Variants in CTNNA3 observed in about 807,000 individuals in gnomAD.
CTNNA3 encodes the protein catenin alpha 3.
Under a neutral mutation model 95.7 loss-of-function variants are expected in CTNNA3, and 76 were observed. That is an observed-to-expected ratio of 0.79 (90% CI 0.66 to 0.96). The LOEUF is 0.96. CTNNA3 is among the 40% of genes least tolerant of loss of function. CTNNA3 has a pLI of 0.00. For synonymous variants in CTNNA3, 431 were observed against 374.4 expected (o/e 1.15, Z -1.74); for missense variants, 1,191 against 1,089.8 (o/e 1.09, Z -1.31).
intron 7 of CTNNA3, among the ~76,000 whole-genome samples, chr10:66,923,532 A>C (rs1257421451): frequency 6.6e-6 from 1 of 152,210 alleles, no homozygotes; most frequent in African/African-American, 2.4e-5. Context: ...ACAAGTTGTC[A>C]AGCCCATTTG....
At chr10:66,005,336 C>G (rs1338952189) in intron 15 of CTNNA3, among the ~76,000 whole-genome samples, 1 of 152,138 alleles carries the variant, frequency 6.6e-6, no homozygotes, top group Non-Finnish European at 1.5e-5. Context: ...TATGATGAAG[C>G]TATTGATTTT....
intron 15 of CTNNA3, among the ~76,000 whole-genome samples, chr10:66,026,770 C>G (rs1198491918): frequency 6.6e-6 from 1 of 151,996 alleles, no homozygotes; most frequent in East Asian, 1.9e-4. Context: ...GTTATTGACA[C>G]AAGATTTTGA....
At chr10:66,585,110 G>T (rs1257800714) in intron 10 of CTNNA3, among the ~76,000 whole-genome samples, 2 of 151,904 alleles carry the variant, frequency 1.3e-5, no homozygotes, top group Non-Finnish European at 1.5e-5. Context: ...ACTGCTCTTA[G>T]AATTTTTTCC....
intron 7 of CTNNA3, among the ~76,000 whole-genome samples, chr10:66,907,675 C>T (rs1353841705): frequency 6.6e-6 from 1 of 152,090 alleles, no homozygotes; most frequent in African/African-American, 2.4e-5. Flanking sequence ...ATTCACTCTA[C>T]CATCAATTAT....
At chr10:66,509,602 G>A (rs1462992503) in intron 11 of CTNNA3, among the ~76,000 whole-genome samples, 2 of 151,924 alleles carry the variant, frequency 1.3e-5, no homozygotes, top group East Asian at 3.9e-4. Flanking sequence ...AGTTTTCAGA[G>A]CACCATTTGT....
At position 67,215,862 on chromosome 10, in the gene CTNNA3, G is replaced by T. The variant is rs56741272; in HGVS notation, c.843+3745C>A. Reference sequence around the variant, plus strand: ...CAGTCTTTCAAGATTCAAGCTCCAGGCCATAATTGAAAAGCAGCTACCCCA... The same window carrying T: ...CAGTCTTTCAAGATTCAAGCTCCAGTCCATAATTGAAAAGCAGCTACCCCA... On this transcript the variant is annotated intron_variant, in intron 6 of 17. Coordinates refer to ENST00000433211, the MANE Select transcript of CTNNA3 (RefSeq NM_013266.4). 0.017 allele frequency among the ~76,000 whole-genome samples: 2,617 copies of T among 152,166 alleles called. 130 individuals carry two copies. The East Asian group carries it at 0.18, about 11-fold the overall frequency.
chr10:67,192,737 A>G (rs1863176543), intron 6 of CTNNA3, among the ~76,000 whole-genome samples: 1 of 151,970 alleles, frequency 6.6e-6, no homozygotes, highest in South Asian at 2.1e-4. Flanking sequence ...AGATCTAGCA[A>G]TTCCACTTCT....
intron 6 of CTNNA3, among the ~76,000 whole-genome samples, chr10:67,184,172 T>G (rs1862723647): frequency 6.6e-6 from 1 of 152,314 alleles, no homozygotes; most frequent in Admixed American, 6.5e-5. Context: ...TAATAAGTAG[T>G]TATCATTCTT....
chr10:66,114,362 A>G lies in CTNNA3; in HGVS notation c.1885-11113T>C, dbSNP rs1036306113. ...TTGTTAACTGAATATCTGTATATAT[A>G]TGTGTGTGTGTGTATATATGTGTGT... is the stretch of plus-strand genomic sequence containing the variant. On this transcript the variant is annotated intron_variant, in intron 13 of 17. Transcript: ENST00000433211. Among the ~76,000 whole-genome samples the G allele has an allele frequency of 4.0e-5, 6 of 151,638 alleles. No homozygotes were observed. In the East Asian group the frequency reaches 5.8e-4, roughly 15 times the overall value.
chr10:66,178,413 A>ATG lies in CTNNA3; in HGVS notation c.1885-75165_1885-75164insCA, dbSNP rs1224317423. 5.9e-3 allele frequency among the ~76,000 whole-genome samples: 283 copies of ATG among 47,652 alleles called. 2 individuals carry two copies. The highest frequency in any genetic ancestry group is 0.015 in the African/African-American group (144 of 9,344). The allele number at this position is 47,652 out of a possible 152,430, so 31.3% of individuals were successfully genotyped here. On this transcript the variant is annotated intron_variant, in intron 13 of 17. Coordinates refer to ENST00000433211, the MANE Select transcript of CTNNA3 (RefSeq NM_013266.4). The stretch of plus-strand genomic sequence containing the variant: ...ACCTTGAAAGTGTATATATATATAT[A>ATG]TATATATATATATATATATATATAT...
intron 9 of CTNNA3, among the ~76,000 whole-genome samples, chr10:66,709,966 G>T (rs1301817880): frequency 6.6e-6 from 1 of 152,078 alleles, no homozygotes; most frequent in Non-Finnish European, 1.5e-5. Context: ...AACACTATAC[G>T]TTGCTTTTGA....
At chr10:67,031,202 T>C (rs1853705714) in intron 7 of CTNNA3, among the ~76,000 whole-genome samples, 1 of 152,168 alleles carries the variant, frequency 6.6e-6, no homozygotes, top group Admixed American at 6.5e-5. Flanking sequence ...TATAAATTGA[T>C]ATATATGTCT....
At chr10:67,148,394 G>A (rs1369096608) in intron 7 of CTNNA3, among the ~76,000 whole-genome samples, 1 of 152,164 alleles carries the variant, frequency 6.6e-6, no homozygotes, top group Non-Finnish European at 1.5e-5. Flanking sequence ...CTGACTCTCT[G>A]TCACCAGTGT....
chr10:66,896,940 C>G (rs1454490305), intron 7 of CTNNA3, among the ~76,000 whole-genome samples: 3 of 152,140 alleles, frequency 2.0e-5, no homozygotes, highest in African/African-American at 4.8e-5. Context: ...CATTGAGGAG[C>G]AATCCTTGCT....
chr10:66,846,461 T>C (rs1843279899), intron 7 of CTNNA3, among the ~76,000 whole-genome samples: 1 of 96,828 alleles, frequency 1.0e-5, no homozygotes, highest in South Asian at 4.4e-4. Flanking sequence ...ATTGTAAATG[T>C]TCTCACCACA....
At chr10:66,720,685 A>G (rs1053124502) in intron 9 of CTNNA3, among the ~76,000 whole-genome samples, 2 of 152,004 alleles carry the variant, frequency 1.3e-5, no homozygotes, top group East Asian at 1.9e-4. Context: ...ATACAAAAAA[A>G]TAGCTGGGCG....
intron 11 of CTNNA3, among the ~76,000 whole-genome samples, chr10:66,423,116 T>C (rs79138927): frequency 0.016 from 2,460 of 152,222 alleles, 58 homozygotes; most frequent in African/African-American, 0.056. Context: ...AGGCTATATA[T>C]GTATATACAT....
At chr10:66,155,828 G>A (rs1237393518) in intron 13 of CTNNA3, among the ~76,000 whole-genome samples, 1 of 151,708 alleles carries the variant, frequency 6.6e-6, no homozygotes, top group African/African-American at 2.4e-5. Flanking sequence ...TAAAAGCCAA[G>A]AACTTCTGTT....
intron 7 of CTNNA3, among the ~76,000 whole-genome samples, chr10:66,813,395 T>C (rs1021826422): frequency 2.0e-5 from 3 of 152,196 alleles, no homozygotes; most frequent in African/African-American, 7.2e-5. Flanking sequence ...ATTTGTGAAA[T>C]GATAGGGTAT....
Sources: allele counts gnomAD v4.1 joint callset (sites outside exome capture counted in the v4.1 genomes callset), GRCh38; gene constraint gnomAD v4.1.1; transcripts MANE v1.5; gene names NCBI Gene and HGNC (gene_info 2026-07-23, HGNC 2026-07-21).